The following POLR1C variants were observed in gnomAD, a reference collection of about 807,000 sequenced individuals.
The protein encoded by POLR1C is RNA polymerase I and III subunit C, also known as DNA-directed RNA polymerases I and III subunit RPAC1.
In POLR1C, 42 loss-of-function variants were observed where a neutral mutation model predicts 38.3. The observed-to-expected ratio is 1.10, with a 90% CI of 0.86 to 1.42. POLR1C has a LOEUF of 1.42. POLR1C is among the 40% of genes most tolerant of loss of function. POLR1C has a pLI of 0.00. For missense variants in POLR1C, 507 were observed against 450.5 expected (o/e 1.13, Z -1.14); for synonymous variants, 163 against 163.9 (o/e 0.99, Z 0.04).
At chr6:43,525,648 C>A, downstream of POLR1C, 1 of 605,130 alleles carries the variant, frequency 1.7e-6, no homozygotes, top group Non-Finnish European at 2.9e-6. Flanking sequence ...GAGCTCCTGC[C>A]TATGCTGGTA....
chr6:43,561,290 A>G (rs917318646), intron 10 of POLR1C: 2 of 349,658 alleles, frequency 5.7e-6, no homozygotes, highest in Admixed American at 4.4e-5. Context: ...GAAATTACAG[A>G]AAGAAAAAAA....
chr6:43,546,659 C>A lies in POLR1C; in HGVS notation c.*5-4309C>A, dbSNP rs751406300. 1 of 1,613,732 alleles carries A rather than the reference C, an allele frequency of 6.2e-7. No homozygotes were observed. Among genetic ancestry groups the A allele is most frequent in the African/African-American group, 1.3e-5 (1 of 74,982 alleles). On this transcript the variant is annotated intron_variant, in intron 9 of 10. Coordinates refer to the POLR1C transcript ENST00000607635. ...ATTGGATTTCCACTGGATGTATAAC[C>A]CACCACAAATCCCCCAGCTTTGGCC... is the stretch of plus-strand genomic sequence containing the variant.
chr6:43,546,561 T>C (rs1794972802), intron 9 of POLR1C: 1 of 1,596,960 alleles, frequency 6.3e-7, no homozygotes, highest in African/African-American at 1.3e-5. Context: ...AAGCCATTAT[T>C]CTGACTCACC....
At position 43,520,666 on chromosome 6, in the gene POLR1C, T is replaced by G; in HGVS notation, c.697T>G (p.Tyr233Asp). ...GTTTTCACCAGTGGCAACAGCCAGT[T>G]ACAGGCTCCTGCCAGACATCACCCT... ...AKFSPVATAS[Y>D]RLLPDITLLE... The change falls in exon 7 of 9, where the codon TAC becomes GAC. Residue 233 changes from tyrosine to aspartate, a missense_variant. Coordinates refer to ENST00000642195, the MANE Select transcript of POLR1C (RefSeq NM_203290.4). 6.2e-7 allele frequency: 1 copy of G among 1,614,156 alleles called. No individual in the cohort carries two copies. Among genetic ancestry groups the G allele is most frequent in the Non-Finnish European group, 8.5e-7 (1 of 1,179,984 alleles).
chr6:43,525,241 A>C, downstream of POLR1C: 2 of 1,553,150 alleles, frequency 1.3e-6, no homozygotes, highest in Non-Finnish European at 1.7e-6. Flanking sequence ...GAAGAGTTAC[A>C]ATGGAAAAAG....
Position 43,521,021 on chromosome 6 carries a change from C to T in POLR1C, c.895C>T (p.Leu299Phe), listed in dbSNP as rs767642581. Residue 299 changes from leucine (L) to phenylalanine (F), a missense_variant, in exon 8 of 9, where the codon CTT becomes TTT. Transcript: ENST00000642195. ...RNEKLKKVVR[L>F]ARVRDHYIFS... The stretch of plus-strand genomic sequence containing the variant: ...TGAGAAGCTAAAGAAGGTTGTGAGG[C>T]TTGCCCGGGTTCGAGATCATTATAT... The T allele has an allele frequency of 2.5e-6, 4 of 1,614,122 alleles. No homozygotes were observed. Among genetic ancestry groups the T allele is most frequent in the Admixed American group, 3.3e-5 (2 of 60,020 alleles).
chr6:43,521,527 CT>C (rs1338802972), downstream of POLR1C: 8 of 1,248,578 alleles, frequency 6.4e-6, no homozygotes, highest in Admixed American at 1.3e-4. Context: ...TTTGAGACTA[CT>C]TTTGAGTTTG....
intron 9 of POLR1C, among the ~76,000 whole-genome samples, chr6:43,546,220 C>A (rs1051782811): frequency 2.6e-5 from 4 of 152,078 alleles, no homozygotes; most frequent in African/African-American, 7.2e-5. Context: ...TAGAAGGCAA[C>A]TGCCCTGCTC....
At chr6:43,521,590 T>C, downstream of POLR1C, 1 of 638,738 alleles carries the variant, frequency 1.6e-6, no homozygotes, top group East Asian at 6.5e-5. Flanking sequence ...AGTGGTGCAA[T>C]CTCAGCTCAC....
chr6:43,518,483 T>A (rs1163581179), intron 2 of POLR1C, among the ~76,000 whole-genome samples: 1 of 152,158 alleles, frequency 6.6e-6, no homozygotes, highest in Non-Finnish European at 1.5e-5. Flanking sequence ...GAAGACTGCA[T>A]GCTTGAAATG....
chr6:43,520,612 T>A lies in POLR1C; in HGVS notation c.656-13T>A, dbSNP rs1561858092. The A allele has an allele frequency of 6.2e-7, 1 of 1,614,164 alleles. No homozygotes were observed. Among genetic ancestry groups the A allele is most frequent in the Non-Finnish European group, 8.5e-7 (1 of 1,180,002 alleles). ...AAGGGTTTCCTATAGGCACGTTCCC[T>A]CTTCCTCTCCAGGCAAAGATCATGC... On this transcript the variant is annotated splice_polypyrimidine_tract_variant and intron_variant, in intron 6 of 8. Coordinates refer to ENST00000642195, the MANE Select transcript of POLR1C (RefSeq NM_203290.4).
Position 43,519,623 on chromosome 6 carries a change from C to T in POLR1C, c.250-83C>T, listed in dbSNP as rs1242516373. 4.4e-6 allele frequency: 7 copies of T among 1,582,810 alleles called. No individual in the cohort carries two copies. In the East Asian group the frequency reaches 1.6e-4, roughly 35 times the overall value. On this transcript the variant is annotated intron_variant, in intron 3 of 8. Coordinates refer to ENST00000642195, the MANE Select transcript of POLR1C (RefSeq NM_203290.4). The stretch of plus-strand genomic sequence containing the variant: ...ACATTCTAGGAAGAGAGATAGCTCC[C>T]TACCTCTGGAGGTTGGGGTTACGGG...
intron 9 of POLR1C, chr6:43,549,722 C>A: frequency 8.3e-7 from 1 of 1,210,892 alleles, no homozygotes; most frequent in Non-Finnish European, 1.2e-6. Context: ...ACATTTATAG[C>A]CACCAAGAAT....
chr6:43,538,528 T>C (rs894080078), intron 9 of POLR1C, among the ~76,000 whole-genome samples: 1 of 152,172 alleles, frequency 6.6e-6, no homozygotes, highest in African/African-American at 2.4e-5. Context: ...CATTCGGTGA[T>C]ATTTGAATAC....
At chr6:43,551,297 C>T (rs1471588514) in intron 10 of POLR1C, 1 of 1,608,884 alleles carries the variant, frequency 6.2e-7, no homozygotes. Context: ...GGGCTTTATA[C>T]CTTAGAGAAG....
intron 8 of POLR1C, chr6:43,527,752 A>G (rs1793690303): frequency 6.2e-7 from 1 of 1,613,498 alleles, no homozygotes; most frequent in Admixed American, 1.7e-5. Flanking sequence ...CCAGGGGGCC[A>G]AGTTCCACAG....
In POLR1C at chr6:43,519,470, G is replaced by T. The variant is rs569820261; in HGVS notation, c.249+30G>T. ...TGGCAGGCATGGTGACAAGGCTGGA[G>T]TTGCTTTGGGAACTGCACTGACACC... On this transcript the variant is annotated intron_variant, in intron 3 of 8. Transcript: ENST00000642195. The T allele has an allele frequency of 9.8e-6, 15 of 1,529,100 alleles. No homozygotes were observed. In the South Asian group the frequency reaches 1.6e-4, roughly 16 times the overall value. 94.7% of individuals were successfully genotyped at this position (1,529,100 alleles called of 1,614,324 possible). A position where few individuals can be genotyped will look rare whatever the true frequency, so the allele number is the denominator to read the frequency against.
chr6:43,521,634 G>C (rs972760228), downstream of POLR1C: 1 of 380,394 alleles, frequency 2.6e-6, no homozygotes, highest in Non-Finnish European at 4.8e-6. Context: ...CAATTCTCAG[G>C]AGGCTGAGGC....
chr6:43,539,430 C>T (rs1794558625), intron 9 of POLR1C: 4 of 1,567,326 alleles, frequency 2.6e-6, no homozygotes, highest in African/African-American at 1.3e-5. Flanking sequence ...TCAATGATCT[C>T]TGATTCCTTA....
Sources: gnomAD v4.1 joint callset for allele counts (sites outside exome capture counted in the v4.1 genomes callset) on GRCh38, gnomAD v4.1.1 for gene constraint, MANE v1.5 for transcripts, NCBI Gene and HGNC (gene_info 2026-07-23, HGNC 2026-07-21) for gene names.